RSRC1: variants seen among roughly 807,000 people sequenced by gnomAD.
RSRC1 encodes arginine and serine rich coiled-coil 1.
Under a neutral mutation model 49.1 loss-of-function variants are expected in RSRC1, and 39 were observed. That is an observed-to-expected ratio of 0.79 (90% confidence interval 0.61 to 1.04). The LOEUF (loss-of-function observed/expected upper bound fraction) is 1.04. Ranked by LOEUF, RSRC1 falls within the 50% of genes least tolerant of loss-of-function variation. The pLI is 0.00. For synonymous variants in RSRC1, 143 were observed against 130.8 expected (o/e 1.09, Z -0.63); for missense variants, 388 against 402.4 (o/e 0.96, Z 0.31).
In RSRC1 at chr3:158,325,227, G is replaced by A. The variant is rs569702236; in HGVS notation, c.531+27152G>A. Among the ~76,000 whole-genome samples, 7 of 152,256 alleles carry A rather than the reference G, an allele frequency of 4.6e-5. No homozygotes were observed. In the South Asian group the frequency reaches 1.4e-3, roughly 32 times the overall value. ...TCTTTTGCTGTGTAGAAGCTCTTTA[G>A]TTTAATTAGATCCCATTTGTCAATT... On this transcript the variant is annotated intron_variant, in intron 5 of 9. Transcript: ENST00000611884.
intron 6 of RSRC1, among the ~76,000 whole-genome samples, chr3:158,377,754 G>C (rs1732454160): frequency 1.3e-5 from 2 of 151,876 alleles, no homozygotes; most frequent in Non-Finnish European, 2.9e-5. Flanking sequence ...CCGCCCCCTG[G>C]GTTCAAGTGA....
chr3:158,351,193 C>T (rs1038568668), intron 5 of RSRC1, among the ~76,000 whole-genome samples: 2 of 152,162 alleles, frequency 1.3e-5, no homozygotes. Context: ...TGATGCTTTC[C>T]TTCTTCTGAG....
chr3:158,514,146 T>A (rs1211781535), intron 7 of RSRC1, among the ~76,000 whole-genome samples: 1 of 152,218 alleles, frequency 6.6e-6, no homozygotes, highest in African/African-American at 2.4e-5. Flanking sequence ...AGTTATTTCT[T>A]GCCTTCTGCT....
In RSRC1 at chr3:158,518,375, AT is replaced by A. The variant is rs62873061; in HGVS notation, c.653-18706del. Reference sequence around the variant, plus strand: ...CTTCTGAGTATAGTGTTTATAAAAGATTTTTTTTTTTGTCAAATGATTCAAT... The same window carrying A: ...CTTCTGAGTATAGTGTTTATAAAAGATTTTTTTTTTGTCAAATGATTCAAT... On this transcript the variant is annotated intron_variant, in intron 7 of 9. Transcript: ENST00000611884. Among the ~76,000 whole-genome samples the A allele has an allele frequency of 8.0e-4, 115 of 144,044 alleles. 1 individual carries two copies. Among genetic ancestry groups the A allele is most frequent in the South Asian group, 8.8e-4 (4 of 4,542 alleles). 94.5% of individuals were successfully genotyped at this position (144,044 alleles called of 152,430 possible).
intron 6 of RSRC1, among the ~76,000 whole-genome samples, chr3:158,358,927 TAC>T (rs71777898): frequency 0.52 from 66,446 of 128,784 alleles, 14,915 homozygotes; most frequent in East Asian, 0.65. Flanking sequence ...CACACAAACA[TAC>T]ACACACACAC....
intron 5 of RSRC1, among the ~76,000 whole-genome samples, chr3:158,320,623 G>A (rs919177323): frequency 3.3e-5 from 5 of 151,962 alleles, no homozygotes; most frequent in Non-Finnish European, 5.9e-5. Context: ...CTGATCATCA[G>A]GACCACATGA....
intron 5 of RSRC1, among the ~76,000 whole-genome samples, chr3:158,335,715 G>C (rs983745635): frequency 2.0e-5 from 3 of 152,138 alleles, no homozygotes; most frequent in Non-Finnish European, 2.9e-5. Flanking sequence ...GGATTTATGG[G>C]CCCTGTAGTC....
intron 4 of RSRC1, among the ~76,000 whole-genome samples, chr3:158,259,496 C>T (rs2108031380): frequency 6.6e-6 from 1 of 152,288 alleles, no homozygotes; most frequent in South Asian, 2.1e-4. Context: ...CTTCTGGCCA[C>T]CATTACAGGG....
chr3:158,235,361 C>T (rs1193961717), intron 4 of RSRC1, among the ~76,000 whole-genome samples: 1 of 151,976 alleles, frequency 6.6e-6, no homozygotes, highest in Non-Finnish European at 1.5e-5. Flanking sequence ...ACAAGGGATG[C>T]CGTTGCTTTA....
chr3:158,467,110 G>T (rs1340353545), intron 7 of RSRC1, among the ~76,000 whole-genome samples: 1 of 152,074 alleles, frequency 6.6e-6, no homozygotes, highest in Non-Finnish European at 1.5e-5. Flanking sequence ...TTGTTACTCA[G>T]AATTGCAACA....
chr3:158,123,059 T>A (rs547324410), intron 2 of RSRC1, among the ~76,000 whole-genome samples: 1 of 152,330 alleles, frequency 6.6e-6, no homozygotes, highest in South Asian at 2.1e-4. Flanking sequence ...TTGTCCAGGC[T>A]GGAGTACAAT....
intron 3 of RSRC1, among the ~76,000 whole-genome samples, chr3:158,135,154 T>C (rs550924066): frequency 2.0e-5 from 3 of 152,366 alleles, no homozygotes; most frequent in East Asian, 1.9e-4. Flanking sequence ...TAACATAATA[T>C]TTGAACTTAG....
rs371922284 is a variant in RSRC1, at chr3:158,203,107, G to A, written c.356G>A (p.Arg119His). ...RSRPRLRSHS[R>H]SSERSSHRRT... ...AGACCTCGTCTCCGTTCTCATAGTC[G>A]TAGCAGTGAAAGGTCCAGTCACAGA... Residue 119 changes from arginine (R) to histidine (H), a missense_variant, in exon 4 of 10, where the codon CGT becomes CAT. Transcript: ENST00000611884. 7.4e-5 allele frequency: 119 copies of A among 1,613,360 alleles called. No homozygotes were observed. The highest frequency in any genetic ancestry group is 2.2e-4 in the Admixed American group (13 of 59,964).
At chr3:158,203,838 A>T (rs1721208113) in intron 4 of RSRC1, among the ~76,000 whole-genome samples, 1 of 152,156 alleles carries the variant, frequency 6.6e-6, no homozygotes, top group Admixed American at 6.6e-5. Context: ...AAACAATGAG[A>T]TTCTAGTTTT....
intron 3 of RSRC1, among the ~76,000 whole-genome samples, chr3:158,188,599 GA>G: frequency 6.6e-6 from 1 of 151,854 alleles, no homozygotes; most frequent in Non-Finnish European, 1.5e-5. Flanking sequence ...CATAGTATCT[GA>G]ATCAGTTGTT....
intron 4 of RSRC1, among the ~76,000 whole-genome samples, chr3:158,233,140 G>C (rs1199909464): frequency 6.6e-6 from 1 of 152,114 alleles, no homozygotes; most frequent in African/African-American, 2.4e-5. Flanking sequence ...AGAAGGGAAA[G>C]ACATAAATTC....
chr3:158,144,337 A>G (rs945109580), intron 3 of RSRC1, among the ~76,000 whole-genome samples: 1 of 149,478 alleles, frequency 6.7e-6, no homozygotes, highest in Non-Finnish European at 1.5e-5. Flanking sequence ...TCCTGTGTCC[A>G]AGTGTTCTCA....
rs573020650 is a variant in RSRC1 at position 158,250,179 on chromosome 3, G to T, written c.494+46934G>T. ...TTTTATGATTATATAGTACTCTATT[G>T]TGTATATGTTAGCACGTTTTCTTTA... On this transcript the variant is annotated intron_variant, in intron 4 of 9. Coordinates refer to ENST00000611884, the MANE Select transcript of RSRC1 (RefSeq NM_001271838.2). 7.9e-5 allele frequency among the ~76,000 whole-genome samples: 12 copies of T among 152,200 alleles called. No homozygotes were observed. In the South Asian group the frequency reaches 2.3e-3, roughly 29 times the overall value.
chr3:158,191,691 T>C (rs928080734), intron 3 of RSRC1, among the ~76,000 whole-genome samples: 1 of 152,072 alleles, frequency 6.6e-6, no homozygotes, highest in African/African-American at 2.4e-5. Flanking sequence ...TTGGCTTTGG[T>C]ACTCTAGAGA....
Sources: gnomAD v4.1 joint callset for allele counts (sites outside exome capture counted in the v4.1 genomes callset) on GRCh38, gnomAD v4.1.1 for gene constraint, MANE v1.5 for transcripts, NCBI Gene and HGNC (gene_info 2026-07-23, HGNC 2026-07-21) for gene names.